Variants in PXT1 observed in about 807,000 individuals in gnomAD.
The protein encoded by PXT1 is peroxisomal testis-specific protein 1.
Under a neutral mutation model 11.0 loss-of-function variants are expected in PXT1, and 11 were observed. The observed-to-expected ratio is 1.00, with a 90% CI of 0.63 to 1.66. The LOEUF is 1.66. Among genes scored for constraint, PXT1 ranks in the 40% most tolerant of loss-of-function variants. PXT1 has a pLI of 0.00. For missense variants in PXT1, 141 were observed against 155.5 expected (o/e 0.91, Z 0.49); for synonymous variants, 43 against 51.4 (o/e 0.84, Z 0.70).
At chr6:36,430,219 A>G (rs9470277) in intron 2 of PXT1, among the ~76,000 whole-genome samples, 36,757 of 151,594 alleles carry the variant, frequency 0.24, 4,644 homozygotes, top group East Asian at 0.38. Context: ...AAAAAAAAAA[A>G]GTAAATCTCT....
At chr6:36,414,455 C>G (rs368569438) in intron 3 of PXT1, among the ~76,000 whole-genome samples, 13 of 152,254 alleles carry the variant, frequency 8.5e-5, no homozygotes, top group African/African-American at 3.1e-4. Context: ...AAATATGAAG[C>G]AAATTAAAAT....
intron 1 of PXT1, among the ~76,000 whole-genome samples, chr6:36,441,471 A>C (rs1017002105): frequency 4.6e-5 from 7 of 152,202 alleles, no homozygotes; most frequent in African/African-American, 1.7e-4. Flanking sequence ...AGGACAGTGA[A>C]ACGTCAGCAG....
At chr6:36,433,755 G>T (rs1480626216) in intron 2 of PXT1, among the ~76,000 whole-genome samples, 1 of 149,386 alleles carries the variant, frequency 6.7e-6, no homozygotes, top group Non-Finnish European at 1.5e-5. Flanking sequence ...AACCTGGGAG[G>T]CAGAGATTGC....
intron 3 of PXT1, among the ~76,000 whole-genome samples, chr6:36,401,959 T>C (rs1032928117): frequency 2.1e-5 from 3 of 144,400 alleles, no homozygotes; most frequent in Non-Finnish European, 3.0e-5. Context: ...TATACATGCA[T>C]ATATATATAT....
intron 3 of PXT1, among the ~76,000 whole-genome samples, chr6:36,409,824 TGGAA>T (rs201849950): frequency 0.016 from 1,591 of 97,644 alleles, 29 homozygotes; most frequent in African/African-American, 0.052. Flanking sequence ...AGACCCTGTC[TGGAA>T]GGAAGGAAGG....
intron 3 of PXT1, among the ~76,000 whole-genome samples, chr6:36,424,468 C>T (rs533102618): frequency 6.6e-6 from 1 of 151,568 alleles, no homozygotes; most frequent in Non-Finnish European, 1.5e-5. Flanking sequence ...GGTGAAACCC[C>T]GTCTCTACTA....
chr6:36,400,670 T>C (rs1774201319), intron 3 of PXT1, 86 bp from the exon 4 acceptor site: 1 of 1,409,788 alleles, frequency 7.1e-7, no homozygotes, highest in Non-Finnish European at 9.5e-7. Flanking sequence ...AAAACTGTCT[T>C]AGAAAATGAG....
chr6:36,418,860 T>C (rs1224460116), intron 3 of PXT1, among the ~76,000 whole-genome samples: 1 of 152,114 alleles, frequency 6.6e-6, no homozygotes, highest in Non-Finnish European at 1.5e-5. Context: ...CTGACAGTAA[T>C]GGTCCCCAAA....
intron 3 of PXT1, among the ~76,000 whole-genome samples, chr6:36,424,205 C>T (rs1774568121): frequency 6.6e-6 from 1 of 152,190 alleles, no homozygotes; most frequent in African/African-American, 2.4e-5. Flanking sequence ...TACTAAAACC[C>T]TCTGTCCGTA....
At chr6:36,394,852 A>T (rs913028391) in intron 4 of PXT1, among the ~76,000 whole-genome samples, 5 of 152,026 alleles carry the variant, frequency 3.3e-5, no homozygotes, top group Non-Finnish European at 7.4e-5. Flanking sequence ...CCCATGTTGA[A>T]GTGCAGTGAC....
At chr6:36,425,040 C>T (rs1337638119) in intron 3 of PXT1, among the ~76,000 whole-genome samples, 3 of 152,208 alleles carry the variant, frequency 2.0e-5, no homozygotes, top group Admixed American at 1.3e-4. Context: ...CATAATCCCT[C>T]TCAGGTATCT....
chr6:36,439,599 G>A (rs945943821), intron 1 of PXT1, among the ~76,000 whole-genome samples: 12 of 149,442 alleles, frequency 8.0e-5, no homozygotes, highest in African/African-American at 3.0e-4. Context: ...GGCGACAGAG[G>A]GAGACTCCAT....
chr6:36,414,132 AC>A (rs1195681516), intron 3 of PXT1, among the ~76,000 whole-genome samples: 2 of 151,216 alleles, frequency 1.3e-5, no homozygotes, highest in African/African-American at 2.4e-5. Context: ...CCAGTAAAAC[AC>A]AATAAATAGA....
chr6:36,415,445 A>G (rs1363207517), intron 3 of PXT1, among the ~76,000 whole-genome samples: 4 of 152,206 alleles, frequency 2.6e-5, no homozygotes, highest in Non-Finnish European at 5.9e-5. Context: ...CTCTGTCTCA[A>G]AAAATTAATT....
At chr6:36,400,423 C>T (rs1281386893) in intron 4 of PXT1, 31 bp downstream of exon 4, 1 of 1,610,178 alleles carries the variant, frequency 6.2e-7, no homozygotes, top group East Asian at 2.2e-5. Context: ...TCCTACCTGA[C>T]AGGCCCTGGC....
intron 3 of PXT1, among the ~76,000 whole-genome samples, chr6:36,417,300 T>C (rs1183785640): frequency 4.0e-5 from 6 of 151,876 alleles, no homozygotes; most frequent in African/African-American, 1.5e-4. Context: ...TGAGCCGAGA[T>C]TGCGCCACTA....
intron 3 of PXT1, among the ~76,000 whole-genome samples, chr6:36,414,374 TGGA>T (rs1464391225): frequency 6.6e-6 from 1 of 152,036 alleles, no homozygotes; most frequent in Non-Finnish European, 1.5e-5. Context: ...ACAAATCACA[TGGA>T]GGAGGGGAGG....
chr6:36,432,728 T>G (rs1419594922), intron 2 of PXT1, among the ~76,000 whole-genome samples: 3 of 152,164 alleles, frequency 2.0e-5, no homozygotes, highest in Admixed American at 6.5e-5. Context: ...CCACCCTATC[T>G]AATGTAATCA....
intron 2 of PXT1, among the ~76,000 whole-genome samples, chr6:36,427,874 T>C (rs1290930992): frequency 6.6e-6 from 1 of 152,124 alleles, no homozygotes; most frequent in Non-Finnish European, 1.5e-5. Context: ...GATTGTCAAA[T>C]AGAATTGTGA....
Sources: allele counts gnomAD v4.1 joint callset (sites outside exome capture counted in the v4.1 genomes callset), GRCh38; gene constraint gnomAD v4.1.1; transcripts MANE v1.5; gene names NCBI Gene and HGNC (gene_info 2026-07-23, HGNC 2026-07-21).